PHKA1: variants seen among roughly 807,000 people sequenced by gnomAD.
PHKA1 encodes the protein phosphorylase kinase regulatory subunit alpha 1, also known as phosphorylase b kinase regulatory subunit alpha, skeletal muscle isoform.
Under a neutral mutation model 110.2 loss-of-function variants are expected in PHKA1, and 60 were observed. The ratio of observed to expected loss-of-function variants is 0.54; its 90% CI spans 0.44 to 0.68. The LOEUF is 0.68. PHKA1 is among the 30% of genes least tolerant of loss of function. PHKA1 has a pLI of 0.00. For synonymous variants in PHKA1, 316 were observed against 333.6 expected (o/e 0.95, Z 0.58); for missense variants, 801 against 942.5 (o/e 0.85, Z 1.97).
rs2053293485 is a variant in PHKA1, at chrX:72,641,320, C to A, written c.1459+3042G>T. ...ACAATTAAGAAAACAGTGGTCTATA[C>A]AAAGGCATTTATAGAAGGATAAAAA... is the stretch of plus-strand genomic sequence containing the variant. On this transcript the variant is annotated intron_variant, in intron 14 of 31. Transcript: ENST00000373542. Among the ~76,000 whole-genome samples the A allele has an allele frequency of 2.7e-5, 3 of 111,326 alleles. No homozygotes were observed. In the Admixed American group the frequency reaches 2.9e-4, roughly 11 times the overall value.
intron 4 of PHKA1, among the ~76,000 whole-genome samples, chrX:72,690,409 C>T (rs1040142607): frequency 1.8e-5 from 2 of 111,214 alleles, no homozygotes; most frequent in African/African-American, 3.3e-5. Flanking sequence ...GAGATAGGGA[C>T]TTCAAGGAGA....
chrX:72,655,812 C>G (rs939761294), intron 10 of PHKA1, among the ~76,000 whole-genome samples: 1 of 111,826 alleles, frequency 8.9e-6, no homozygotes, highest in East Asian at 2.8e-4. Context: ...TTAGTAGAGA[C>G]GGGGTTTCAC....
intron 4 of PHKA1, among the ~76,000 whole-genome samples, chrX:72,685,405 G>A (rs1384362278): frequency 9.0e-6 from 1 of 111,606 alleles, no homozygotes; most frequent in Non-Finnish European, 1.9e-5. Context: ...ATCTTTGGTG[G>A]TGAGATTCAA....
chrX:72,669,842 C>T (rs782649870), intron 6 of PHKA1, among the ~76,000 whole-genome samples: 27 of 110,312 alleles, frequency 2.4e-4, no homozygotes, highest in African/African-American at 7.6e-4. Flanking sequence ...TATAAACATA[C>T]GGGTGCACGT....
chrX:72,644,160 C>A (rs2053331672), intron 14 of PHKA1, among the ~76,000 whole-genome samples: 1 of 111,193 alleles, frequency 9.0e-6, no homozygotes, highest in Admixed American at 9.6e-5. Context: ...GCCTTATGTA[C>A]CCAAAGGGTT....
At chrX:72,666,594 C>G (rs142495649) in intron 7 of PHKA1, among the ~76,000 whole-genome samples, 103 of 111,783 alleles carry the variant, frequency 9.2e-4, no homozygotes, top group African/African-American at 3.2e-3. Context: ...ATTCTGCTCT[C>G]AATACTTCCC....
chrX:72,621,181 G>A (rs1335600270), intron 18 of PHKA1, among the ~76,000 whole-genome samples: 3 of 111,632 alleles, frequency 2.7e-5, no homozygotes, highest in African/African-American at 9.8e-5. Context: ...TTACATTGGA[G>A]CAAGCATTTA....
chrX:72,630,176 C>T (rs781864586), intron 16 of PHKA1, among the ~76,000 whole-genome samples: 66 of 109,757 alleles, frequency 6.0e-4, no homozygotes, highest in Non-Finnish European at 9.9e-4. Flanking sequence ...CACTTGAACC[C>T]GGAAGCTGGA....
At chrX:72,639,479 T>G (rs2053269834) in intron 14 of PHKA1, among the ~76,000 whole-genome samples, 1 of 111,161 alleles carries the variant, frequency 9.0e-6, no homozygotes, top group Admixed American at 9.5e-5. Flanking sequence ...GTGGTTGCAG[T>G]GAGCCGAGAT....
intron 21 of PHKA1, among the ~76,000 whole-genome samples, chrX:72,615,034 A>T (rs1556266756): frequency 8.9e-6 from 1 of 112,641 alleles, no homozygotes; most frequent in African/African-American, 3.2e-5. Flanking sequence ...GAGAAAAAAG[A>T]AGCAAATAAC....
At chrX:72,606,342 A>G (rs2052727368) in intron 23 of PHKA1, among the ~76,000 whole-genome samples, 1 of 105,039 alleles carries the variant, frequency 9.5e-6, no homozygotes, top group Non-Finnish European at 1.9e-5. Context: ...TATAGTTTCA[A>G]TTCACACACA....
chrX:72,599,512 C>T (rs953913146), intron 28 of PHKA1, among the ~76,000 whole-genome samples: 5 of 111,681 alleles, frequency 4.5e-5, no homozygotes, highest in Non-Finnish European at 7.5e-5. Context: ...AAACAGATTA[C>T]TGGGCCTCAT....
At chrX:72,698,092 TC>T (rs2054154028) in intron 3 of PHKA1, among the ~76,000 whole-genome samples, 1 of 111,263 alleles carries the variant, frequency 9.0e-6, no homozygotes, top group Non-Finnish European at 1.9e-5. Flanking sequence ...CTATTTGATT[TC>T]ACCTGAACTG....
At chrX:72,584,462 T>C (rs1488662498) in intron 29 of PHKA1, among the ~76,000 whole-genome samples, 160 bp from the exon 30 acceptor site, 6 of 112,008 alleles carry the variant, frequency 5.4e-5, no homozygotes, top group African/African-American at 1.9e-4. Flanking sequence ...CCAAGTGCCC[T>C]TGCCATGGAG....
intron 6 of PHKA1, among the ~76,000 whole-genome samples, chrX:72,672,355 A>T (rs1282636087): frequency 1.8e-5 from 2 of 111,578 alleles, no homozygotes; most frequent in Non-Finnish European, 3.8e-5. Context: ...GAGGAATAGC[A>T]CCTGGCTCCC....
intron 16 of PHKA1, among the ~76,000 whole-genome samples, chrX:72,628,337 A>C (rs1319836153): frequency 9.2e-6 from 1 of 109,033 alleles, no homozygotes; most frequent in South Asian, 3.9e-4. Flanking sequence ...TTTTCAATTG[A>C]CTTTCAAGAG....
At chrX:72,657,293 T>C (rs961642885) in intron 9 of PHKA1, among the ~76,000 whole-genome samples, 4 of 112,354 alleles carry the variant, frequency 3.6e-5, no homozygotes, top group Non-Finnish European at 7.5e-5. Flanking sequence ...ATACTATTTC[T>C]GTATAAGCTT....
intron 6 of PHKA1, among the ~76,000 whole-genome samples, chrX:72,674,166 A>G (rs2053745741): frequency 9.0e-6 from 1 of 110,546 alleles, no homozygotes; most frequent in African/African-American, 3.3e-5. Context: ...ATAGTATTCC[A>G]TGGTGTATAT....
intron 8 of PHKA1, among the ~76,000 whole-genome samples, chrX:72,662,911 A>G (rs147042641): frequency 2.7e-3 from 296 of 111,054 alleles, no homozygotes; most frequent in Middle Eastern, 9.3e-3. Context: ...GTCTTTCCCT[A>G]TCAAAGCTGC....
Sources: allele counts gnomAD v4.1 joint callset (sites outside exome capture counted in the v4.1 genomes callset), GRCh38; gene constraint gnomAD v4.1.1; transcripts MANE v1.5; gene names NCBI Gene and HGNC (gene_info 2026-07-23, HGNC 2026-07-21).